The following CELF4 variants were observed in gnomAD, a reference collection of about 807,000 sequenced individuals.
The protein encoded by CELF4 is CUG-BP- and ETR-3-like factor 4.
A neutral mutation model predicts 59.9 loss-of-function variants in CELF4; 18 were observed. That is an observed-to-expected ratio of 0.30 (90% confidence interval 0.21 to 0.45). The LOEUF is 0.45. CELF4 is among the 20% of genes least tolerant of loss of function. The pLI is 1.00. For synonymous variants in CELF4, 261 were observed against 267.1 expected, an observed-to-expected ratio of 0.98 and a Z score of 0.22; for missense variants, 456 against 689.0, an observed-to-expected ratio of 0.66 and a Z score of 3.79.
At chr18:37,387,684 T>C (rs913567259) in intron 2 of CELF4, among the ~76,000 whole-genome samples, 13 of 152,226 alleles carry the variant, frequency 8.5e-5, no homozygotes, top group African/African-American at 3.1e-4. Context: ...TGCAGGTTTT[T>C]CCTTGTACCC....
chr18:37,377,073 G>C (rs1385232258), intron 2 of CELF4, among the ~76,000 whole-genome samples: 1 of 152,026 alleles, frequency 6.6e-6, no homozygotes, highest in African/African-American at 2.4e-5. Context: ...AAATAAAAAA[G>C]GAAGAGAAAA....
At chr18:37,515,167 T>A (rs1184817925) in intron 1 of CELF4, among the ~76,000 whole-genome samples, 1 of 152,250 alleles carries the variant, frequency 6.6e-6, no homozygotes, top group African/African-American at 2.4e-5. Flanking sequence ...GCAGGCTTGC[T>A]GTTCGGCAGT....
Position 37,261,695 on chromosome 18 carries a change from G to A in CELF4, c.1250-2431C>T, listed in dbSNP as rs540340226. Among the ~76,000 whole-genome samples, 21 of 152,336 alleles carry A rather than the reference G, an allele frequency of 1.4e-4. No homozygotes were observed. The South Asian group carries it at 1.9e-3, about 14-fold the overall frequency. ...AAGCGGAGCTGCAGAGACAGAAAGC[G>A]GCTACCCCTGACCACCTTGCAGCCC... On this transcript the variant is annotated intron_variant, in intron 10 of 12. Coordinates refer to ENST00000420428, the MANE Select transcript of CELF4 (RefSeq NM_020180.4).
intron 2 of CELF4, among the ~76,000 whole-genome samples, chr18:37,332,014 A>G (rs72885312): frequency 0.089 from 13,511 of 152,224 alleles, 739 homozygotes; most frequent in African/African-American, 0.14. Context: ...AGGCAGCTGC[A>G]CGTGCAGGAG....
intron 2 of CELF4, among the ~76,000 whole-genome samples, chr18:37,374,485 C>T (rs2098942073): frequency 6.6e-6 from 1 of 152,188 alleles, no homozygotes. Flanking sequence ...TCACTGGCAA[C>T]TGAGAGGCTC....
chr18:37,266,642 C>T (rs954095426), intron 8 of CELF4, 44 bp from the exon 9 acceptor site: 1 of 1,473,506 alleles, frequency 6.8e-7, no homozygotes, highest in Non-Finnish European at 9.2e-7. Context: ...GCCCACCACA[C>T]TGGCCCTTCC....
chr18:37,435,014 A>T (rs2099685761), intron 2 of CELF4, among the ~76,000 whole-genome samples: 1 of 151,738 alleles, frequency 6.6e-6, no homozygotes, highest in Non-Finnish European at 1.5e-5. Flanking sequence ...GGAGGGGGGG[A>T]TCCAGGGGAT....
chr18:37,439,559 T>C (rs2099705376), intron 2 of CELF4, among the ~76,000 whole-genome samples: 1 of 152,140 alleles, frequency 6.6e-6, no homozygotes, highest in Non-Finnish European at 1.5e-5. Flanking sequence ...TCCTAAGAAG[T>C]CTTGTCTTCC....
chr18:37,405,870 T>G (rs964187631), intron 2 of CELF4, among the ~76,000 whole-genome samples: 13 of 151,606 alleles, frequency 8.6e-5, no homozygotes, highest in African/African-American at 3.1e-4. Flanking sequence ...GGGGTGGTGG[T>G]GGGGGGCTGG....
intron 1 of CELF4, among the ~76,000 whole-genome samples, chr18:37,500,116 G>C (rs1415604494): frequency 6.6e-6 from 1 of 152,210 alleles, no homozygotes; most frequent in African/African-American, 2.4e-5. Flanking sequence ...AGATGGAGGT[G>C]TGTCTCCAAG....
At chr18:37,563,383 A>G (rs73947559) in intron 1 of CELF4, among the ~76,000 whole-genome samples, 2,256 of 152,234 alleles carry the variant, frequency 0.015, 59 homozygotes, top group African/African-American at 0.05. Flanking sequence ...AAAATCTTAA[A>G]TCACCATAAA....
At chr18:37,308,439 C>T (rs2096526539) in intron 3 of CELF4, among the ~76,000 whole-genome samples, 1 of 152,232 alleles carries the variant, frequency 6.6e-6, no homozygotes, top group African/African-American at 2.4e-5. Context: ...CCTTCCCTGA[C>T]TGCTCCAGCG....
rs113844455 is a variant in CELF4 at position 37,522,744 on chromosome 18, C to G, written c.287-37137G>C. Among the ~76,000 whole-genome samples, 413 of 152,242 alleles carry G rather than the reference C, an allele frequency of 2.7e-3. 3 individuals are homozygous for G. Among genetic ancestry groups the G allele is most frequent in the African/African-American group, 9.0e-3 (372 of 41,534 alleles). The stretch of plus-strand genomic sequence containing the variant: ...GCAGAGCCCGCTGGAGGCCCTGGGC[C>G]ACAGCTCTTCTCCCTGGCTTCCTTC... On this transcript the variant is annotated intron_variant, in intron 1 of 12. Coordinates refer to ENST00000420428, the MANE Select transcript of CELF4 (RefSeq NM_020180.4).
chr18:37,447,533 C>A (rs1248856684), intron 2 of CELF4, among the ~76,000 whole-genome samples: 1 of 152,158 alleles, frequency 6.6e-6, no homozygotes, highest in Non-Finnish European at 1.5e-5. Context: ...AGGGAGCGAC[C>A]CGTTTTTCTT....
At chr18:37,262,412 G>A (rs893685305) in intron 10 of CELF4, among the ~76,000 whole-genome samples, 2 of 152,072 alleles carry the variant, frequency 1.3e-5, no homozygotes, top group African/African-American at 2.4e-5. Flanking sequence ...GGGAGGGGGG[G>A]GCAGGAATTG....
At chr18:37,564,209 ATC>A (rs2099987434) in intron 1 of CELF4, among the ~76,000 whole-genome samples, 1 of 152,212 alleles carries the variant, frequency 6.6e-6, no homozygotes, top group South Asian at 2.1e-4. Flanking sequence ...CTGGCGATCA[ATC>A]TCTCTCAGAA....
intron 2 of CELF4, among the ~76,000 whole-genome samples, chr18:37,454,862 C>T (rs577541331): frequency 4.6e-5 from 7 of 152,328 alleles, no homozygotes; most frequent in East Asian, 1.9e-4. Flanking sequence ...GGATGTGCTA[C>T]GGCCCCTAAT....
At chr18:37,271,304 G>C (rs2091162296) in intron 7 of CELF4, among the ~76,000 whole-genome samples, 1 of 141,736 alleles carries the variant, frequency 7.1e-6, no homozygotes, top group African/African-American at 2.7e-5. Context: ...CAGGTTGCTG[G>C]AGTACAGTGG....
At chr18:37,267,608 C>T (rs1204647281) in intron 8 of CELF4, among the ~76,000 whole-genome samples, 1 of 152,176 alleles carries the variant, frequency 6.6e-6, no homozygotes, top group Non-Finnish European at 1.5e-5. Flanking sequence ...ACTATCTGGG[C>T]TTATCCGCCT....
Sources: gnomAD v4.1 joint callset for allele counts (sites outside exome capture counted in the v4.1 genomes callset) on GRCh38, gnomAD v4.1.1 for gene constraint, MANE v1.5 for transcripts, NCBI Gene and HGNC (gene_info 2026-07-23, HGNC 2026-07-21) for gene names.